CCNH: variants seen among roughly 807,000 people sequenced by gnomAD.
The protein encoded by CCNH is cyclin-H.
A neutral mutation model predicts 41.9 loss-of-function variants in CCNH; 31 were observed. The observed-to-expected ratio is 0.74, with a 90% confidence interval of 0.56 to 1.00. CCNH has a LOEUF of 1.00. Among genes scored for constraint, CCNH ranks in the 50% least tolerant of loss-of-function variants. The pLI is 0.00. For missense variants in CCNH, 362 were observed against 388.4 expected (o/e 0.93, Z 0.57); for synonymous variants, 138 against 136.1 (o/e 1.01, Z -0.10).
downstream of CCNH, among the ~76,000 whole-genome samples, chr5:87,387,370 T>C (rs190139159): frequency 1.3e-5 from 2 of 152,186 alleles, no homozygotes; most frequent in African/African-American, 2.4e-5. Flanking sequence ...TCAGTGTGAA[T>C]ATCTGTGCCT....
At chr5:87,320,332 T>A (rs1355347771) in intron 9 of CCNH, among the ~76,000 whole-genome samples, 1 of 152,224 alleles carries the variant, frequency 6.6e-6, no homozygotes, top group Non-Finnish European at 1.5e-5. Flanking sequence ...TTTATAGCAG[T>A]GCCACACTTC....
At chr5:87,373,282 C>A (rs1761082064), downstream of CCNH, among the ~76,000 whole-genome samples, 1 of 152,056 alleles carries the variant, frequency 6.6e-6, no homozygotes, top group East Asian at 1.9e-4. Context: ...AGTATAACAA[C>A]TATGTACATA....
downstream of CCNH, among the ~76,000 whole-genome samples, chr5:87,387,810 A>C (rs1762169095): frequency 6.6e-6 from 1 of 152,188 alleles, no homozygotes; most frequent in Non-Finnish European, 1.5e-5. Flanking sequence ...AGTGAAATGG[A>C]CAAAAATGCT....
At chr5:87,352,424 G>T (rs979129353) in intron 9 of CCNH, among the ~76,000 whole-genome samples, 9 of 151,506 alleles carry the variant, frequency 5.9e-5, no homozygotes, top group Non-Finnish European at 1.2e-4. Flanking sequence ...TTAAAGGAAG[G>T]TTTAAAATTC....
chr5:87,318,873 AG>A (rs1756553310), exon 10 of CCNH: 1 of 152,282 alleles, frequency 6.6e-6, no homozygotes, highest in African/African-American at 2.4e-5. Flanking sequence ...ATCTGAGACA[AG>A]GCAAGTCCAT....
chr5:87,389,256 G>T (rs949340674), downstream of CCNH: 6 of 1,074,632 alleles, frequency 5.6e-6, no homozygotes, highest in Admixed American at 4.0e-5. Context: ...GCTTGAACCC[G>T]GGAGGCGGAG....
chr5:87,394,168 G>T (rs1762732449), downstream of CCNH: 11 of 843,596 alleles, frequency 1.3e-5, no homozygotes, highest in Non-Finnish European at 1.7e-5. Flanking sequence ...AAAAGCATAG[G>T]TTTGCCTATC....
intron 9 of CCNH, among the ~76,000 whole-genome samples, chr5:87,336,184 A>G (rs768521530): frequency 6.6e-6 from 1 of 152,218 alleles, no homozygotes; most frequent in Non-Finnish European, 1.5e-5. Flanking sequence ...AAACAGTGAT[A>G]TTCTCACTAA....
At position 87,364,604 on chromosome 5, in the gene CCNH, C is replaced by T. The variant is rs542183974; in HGVS notation, c.*90+28166G>A. ...GACAGGATTTCTTGAGATTTTTCTG[C>T]CCCTCTTTAACAACCTGAGAATCTT... is the stretch of plus-strand genomic sequence containing the variant. On this transcript the variant is annotated intron_variant and NMD_transcript_variant, in intron 9 of 9. Coordinates refer to the CCNH transcript ENST00000645953. Among the ~76,000 whole-genome samples, 171 of 152,074 alleles carry T rather than the reference C, an allele frequency of 1.1e-3. 2 individuals carry two copies. Among genetic ancestry groups the T allele is most frequent in the African/African-American group, 4.0e-3 (166 of 41,496 alleles).
At chr5:87,401,368 T>C (rs1474766740) in intron 6 of CCNH, among the ~76,000 whole-genome samples, 3 of 152,256 alleles carry the variant, frequency 2.0e-5, no homozygotes, top group Admixed American at 2.0e-4. Flanking sequence ...AATTTAAACA[T>C]TATCCTTAAG....
chr5:87,333,254 T>G (rs1429723141), intron 9 of CCNH: 2 of 1,611,092 alleles, frequency 1.2e-6, no homozygotes, highest in East Asian at 4.5e-5. Context: ...CTTTTTTTTT[T>G]TATGGTTTCT....
At chr5:87,363,305 AC>A in intron 9 of CCNH, 1 of 1,494,658 alleles carries the variant, frequency 6.7e-7, no homozygotes, top group Non-Finnish European at 9.3e-7. Flanking sequence ...GTAGGATTTC[AC>A]AATTGTTTGG....
downstream of CCNH, chr5:87,386,772 G>T: frequency 6.7e-7 from 1 of 1,496,294 alleles, no homozygotes; most frequent in Non-Finnish European, 9.3e-7. Context: ...CAACCTAATA[G>T]ATCAAACAGT....
chr5:87,394,642 G>T lies in CCNH; in HGVS notation c.934-158C>A, dbSNP rs3093855. The T allele has an allele frequency of 4.2e-4, 608 of 1,441,044 alleles. No homozygotes were observed. The African/African-American group carries it at 7.6e-3, about 18-fold the overall frequency. The allele number at this position is 1,441,044 out of a possible 1,614,324, so 89.3% of individuals were successfully genotyped here. On this transcript the variant is annotated intron_variant, in intron 8 of 8. Transcript: ENST00000256897. ...GTAATAGTTCACTGTTAGTAATGTT[G>T]GCATGGTCTCACCAGACTCCTCCAG... is the stretch of plus-strand genomic sequence containing the variant.
At chr5:87,324,081 GT>G (rs1329619887) in intron 9 of CCNH, among the ~76,000 whole-genome samples, 2 of 152,176 alleles carry the variant, frequency 1.3e-5, no homozygotes, top group Non-Finnish European at 2.9e-5. Flanking sequence ...TTAGACTAAA[GT>G]TTACTTTTAA....
At chr5:87,407,833 C>T (rs1450278757) in intron 4 of CCNH, 143 bp downstream of exon 4, 3 of 591,038 alleles carry the variant, frequency 5.1e-6, no homozygotes, top group Admixed American at 6.1e-5. Context: ...TTGAAAACAA[C>T]TGCCCTAGAT....
rs1760193008 is a variant in CCNH at position 87,362,580 on chromosome 5, G to A, written c.*90+30190C>T. The A allele has an allele frequency of 6.3e-7, 1 of 1,595,610 alleles. No homozygotes were observed. The highest frequency in any genetic ancestry group is 1.3e-5 in the African/African-American group (1 of 74,436). ...AAGAACAAGTACTCAATGACACAGT[G>A]GATGGCAAGGAAATCTATAATACCA... On this transcript the variant is annotated intron_variant and NMD_transcript_variant, in intron 9 of 9. Transcript: ENST00000645953.
At chr5:87,355,574 T>C (rs934032355) in intron 9 of CCNH, among the ~76,000 whole-genome samples, 1 of 152,236 alleles carries the variant, frequency 6.6e-6, no homozygotes, top group Non-Finnish European at 1.5e-5. Flanking sequence ...ACAAGGAGAT[T>C]GTTGTTTTCA....
chr5:87,359,648 T>A (rs1759926419), intron 9 of CCNH, among the ~76,000 whole-genome samples: 1 of 152,200 alleles, frequency 6.6e-6, no homozygotes, highest in Non-Finnish European at 1.5e-5. Context: ...GAACTAAAGA[T>A]TTGATAAATA....
Sources: allele counts gnomAD v4.1 joint callset (sites outside exome capture counted in the v4.1 genomes callset), GRCh38; gene constraint gnomAD v4.1.1; transcripts MANE v1.5; gene names NCBI Gene and HGNC (gene_info 2026-07-23, HGNC 2026-07-21).